The following SPAG16 variants were observed in gnomAD, a reference collection of about 807,000 sequenced individuals.
SPAG16 encodes the protein sperm-associated antigen 16 protein.
In SPAG16, 86 loss-of-function variants were observed where a neutral mutation model predicts 80.4. The ratio of observed to expected loss-of-function variants is 1.07; its 90% CI spans 0.90 to 1.28. SPAG16 has a LOEUF of 1.28. Among genes scored for constraint, SPAG16 ranks in the 50% most tolerant of loss-of-function variants. SPAG16 has a pLI of 0.00. For missense variants in SPAG16, 870 were observed against 765.3 expected (o/e 1.14, Z -1.61); for synonymous variants, 294 against 265.9 (o/e 1.11, Z -1.03).
intron 15 of SPAG16, among the ~76,000 whole-genome samples, chr2:214,166,807 A>G (rs913412762): frequency 1.3e-5 from 2 of 152,202 alleles, no homozygotes; most frequent in Non-Finnish European, 2.9e-5. Context: ...TAAAGTGAAT[A>G]TATAACGAGT....
intron 11 of SPAG16, among the ~76,000 whole-genome samples, chr2:213,867,076 A>G (rs1032840775): frequency 5.9e-5 from 9 of 152,180 alleles, no homozygotes; most frequent in African/African-American, 9.7e-5. Context: ...TTCTGTTTTT[A>G]TCTAAGTTTT....
intron 9 of SPAG16, among the ~76,000 whole-genome samples, chr2:213,380,245 C>T (rs929938513): frequency 2.0e-5 from 3 of 152,222 alleles, no homozygotes; most frequent in African/African-American, 7.2e-5. Context: ...CCCTTCATCA[C>T]TGTCTTTCAG....
At chr2:214,002,030 C>T (rs1256739535) in intron 12 of SPAG16, among the ~76,000 whole-genome samples, 1 of 152,016 alleles carries the variant, frequency 6.6e-6, no homozygotes, top group Non-Finnish European at 1.5e-5. Flanking sequence ...AGAATGAGAG[C>T]CGAGCGAAAG....
At chr2:213,339,305 C>T (rs952946490) in intron 5 of SPAG16, among the ~76,000 whole-genome samples, 13 of 152,152 alleles carry the variant, frequency 8.5e-5, no homozygotes, top group African/African-American at 2.9e-4. Context: ...TAGATTTCTT[C>T]TGTTTCAATC....
intron 10 of SPAG16, among the ~76,000 whole-genome samples, chr2:213,590,311 G>T (rs897395651): frequency 2.0e-5 from 3 of 152,028 alleles, no homozygotes; most frequent in Non-Finnish European, 4.4e-5. Flanking sequence ...TGCCCAAGTA[G>T]TGAATATAGT....
intron 10 of SPAG16, among the ~76,000 whole-genome samples, chr2:213,519,318 C>A (rs779814891): frequency 1.6e-4 from 24 of 152,194 alleles, no homozygotes; most frequent in Non-Finnish European, 3.1e-4. Context: ...TTGGTGTCCC[C>A]ACCCAAATCT....
intron 15 of SPAG16, among the ~76,000 whole-genome samples, chr2:214,330,757 A>G (rs1424500443): frequency 1.3e-5 from 2 of 152,232 alleles, no homozygotes; most frequent in Non-Finnish European, 1.5e-5. Flanking sequence ...CGATAGACCC[A>G]GGTGGGGGCC....
intron 13 of SPAG16, among the ~76,000 whole-genome samples, chr2:214,073,007 C>T (rs1486181174): frequency 6.6e-6 from 1 of 151,992 alleles, no homozygotes; most frequent in Non-Finnish European, 1.5e-5. Flanking sequence ...TTTCTAGTGA[C>T]AATTAGTGGT....
chr2:213,921,923 G>T (rs963059895), intron 11 of SPAG16, among the ~76,000 whole-genome samples: 14 of 152,128 alleles, frequency 9.2e-5, no homozygotes, highest in African/African-American at 3.4e-4. Context: ...TTTTGTATGT[G>T]ACCTGTCTCT....
intron 7 of SPAG16, among the ~76,000 whole-genome samples, chr2:213,355,725 A>T (rs780094421): frequency 4.6e-5 from 7 of 152,194 alleles, no homozygotes; most frequent in Non-Finnish European, 1.0e-4. Flanking sequence ...GTATCCTGAG[A>T]TTTTGCTGAA....
chr2:213,464,698 G>A (rs946859333), intron 9 of SPAG16, among the ~76,000 whole-genome samples: 2 of 152,130 alleles, frequency 1.3e-5, no homozygotes, highest in Non-Finnish European at 2.9e-5. Flanking sequence ...TTGACTGGGG[G>A]GATTATTTTT....
intron 10 of SPAG16, among the ~76,000 whole-genome samples, chr2:213,845,886 T>C (rs2074596769): frequency 6.6e-6 from 1 of 152,202 alleles, no homozygotes; most frequent in Admixed American, 6.5e-5. Context: ...CTCTGCTCCA[T>C]GTCTCTCAAC....
intron 10 of SPAG16, among the ~76,000 whole-genome samples, chr2:213,848,164 G>A (rs1026847281): frequency 6.6e-6 from 1 of 152,156 alleles, no homozygotes; most frequent in African/African-American, 2.4e-5. Flanking sequence ...TTGTAAAAAT[G>A]GAAGCTCTAC....
At chr2:213,384,138 A>G (rs761574535) in intron 9 of SPAG16, among the ~76,000 whole-genome samples, 9 of 152,176 alleles carry the variant, frequency 5.9e-5, no homozygotes, top group Non-Finnish European at 8.8e-5. Context: ...TTATATGGAA[A>G]TATGATGAGA....
intron 15 of SPAG16, among the ~76,000 whole-genome samples, chr2:214,310,840 C>G (rs1695249184): frequency 6.6e-6 from 1 of 152,166 alleles, no homozygotes; most frequent in South Asian, 2.1e-4. Flanking sequence ...AACCTCTTCC[C>G]CCAACACCAA....
chr2:213,815,786 C>T lies in SPAG16; in HGVS notation c.1071-46699C>T, dbSNP rs966679614. 6.6e-5 allele frequency among the ~76,000 whole-genome samples: 10 copies of T among 151,928 alleles called. No homozygotes were observed. In the East Asian group the frequency reaches 7.7e-4, roughly 12 times the overall value. On this transcript the variant is annotated intron_variant, in intron 10 of 15. Coordinates refer to ENST00000331683, the MANE Select transcript of SPAG16 (RefSeq NM_024532.5). ...TGTTCATTAATTTTTACTTATTATACGTATAACAATTATTTATAATTTGGT... is the reference window on the plus strand; with the variant it reads ...TGTTCATTAATTTTTACTTATTATATGTATAACAATTATTTATAATTTGGT...
chr2:213,494,654 T>C (rs1215247647), intron 10 of SPAG16, among the ~76,000 whole-genome samples: 1 of 152,226 alleles, frequency 6.6e-6, no homozygotes, highest in Non-Finnish European at 1.5e-5. Flanking sequence ...TAGCCAAACA[T>C]ATTTTGAAAA....
chr2:213,348,915 G>A (rs2065167633), intron 6 of SPAG16, among the ~76,000 whole-genome samples: 1 of 151,928 alleles, frequency 6.6e-6, no homozygotes, highest in Non-Finnish European at 1.5e-5. Context: ...CTTCTACTTT[G>A]CTCTTTCCAG....
chr2:214,238,430 T>G (rs947090462), intron 15 of SPAG16: 1 of 164,420 alleles, frequency 6.1e-6, no homozygotes, highest in African/African-American at 2.4e-5. Flanking sequence ...AATTATTTTA[T>G]ATCATTATAA....
Sources: gnomAD v4.1 joint callset for allele counts (sites outside exome capture counted in the v4.1 genomes callset) on GRCh38, gnomAD v4.1.1 for gene constraint, MANE v1.5 for transcripts, NCBI Gene and HGNC (gene_info 2026-07-23, HGNC 2026-07-21) for gene names.